Variants in ITGA8 observed in about 807,000 individuals in gnomAD.
ITGA8 encodes the protein integrin subunit alpha 8.
In ITGA8, 91 loss-of-function variants were observed where a neutral mutation model predicts 142.3. The ratio of observed to expected loss-of-function variants is 0.64; its 90% CI spans 0.54 to 0.76. The LOEUF is 0.76. Among genes scored for constraint, ITGA8 ranks in the 30% least tolerant of loss-of-function variants. The pLI is 0.00. For synonymous variants in ITGA8, 505 were observed against 485.2 expected (o/e 1.04, Z -0.54); for missense variants, 1,406 against 1,327.7 (o/e 1.06, Z -0.92).
At chr10:15,521,223 C>T (rs1833062881) in intron 28 of ITGA8, among the ~76,000 whole-genome samples, 1 of 152,084 alleles carries the variant, frequency 6.6e-6, no homozygotes, top group African/African-American at 2.4e-5. Context: ...CTGGTTTCAC[C>T]ATTCTGGCCA....
intron 2 of ITGA8, among the ~76,000 whole-genome samples, chr10:15,699,082 G>GT (rs1835110792): frequency 2.0e-5 from 3 of 152,138 alleles, no homozygotes; most frequent in African/African-American, 4.8e-5. Context: ...TCAGGAGTTC[G>GT]AAACGAGCAT....
At chr10:15,670,569 C>T (rs1205327234) in intron 8 of ITGA8, among the ~76,000 whole-genome samples, 2 of 152,138 alleles carry the variant, frequency 1.3e-5, no homozygotes, top group African/African-American at 2.4e-5. Context: ...CATAACAATA[C>T]ATAGACCTTG....
At chr10:15,575,939 ACG>A (rs1020955401) in intron 23 of ITGA8, among the ~76,000 whole-genome samples, 5 of 117,106 alleles carry the variant, frequency 4.3e-5, no homozygotes, top group South Asian at 3.0e-4. Context: ...ACATGTGAGA[ACG>A]TGTGTGTGTG....
intron 14 of ITGA8, 147 bp downstream of exon 14, chr10:15,616,367 T>G: frequency 1.5e-6 from 1 of 664,450 alleles, no homozygotes; most frequent in Admixed American, 2.6e-5. Flanking sequence ...AAAGAAAGAG[T>G]GAGAGCAAAA....
chr10:15,617,500 G>A (rs1833416148), intron 13 of ITGA8, among the ~76,000 whole-genome samples: 1 of 151,972 alleles, frequency 6.6e-6, no homozygotes, highest in Admixed American at 6.6e-5. Context: ...CAGGGTTCAA[G>A]TGATTCTCCT....
At position 15,660,864 on chromosome 10, in the gene ITGA8, A is replaced by C. The variant is rs372587930; in HGVS notation, c.891+15T>G. On this transcript the variant is annotated intron_variant, in intron 9 of 29. Coordinates refer to ENST00000378076, the MANE Select transcript of ITGA8 (RefSeq NM_003638.3). The stretch of plus-strand genomic sequence containing the variant: ...AGAAAATACCCTATTCCTGTAATGC[A>C]TTCTCAGTACTCACATATCCAAAAT... 11 of 1,607,900 alleles carry C rather than the reference A, an allele frequency of 6.8e-6. No individual in the cohort carries two copies. In the African/African-American group the frequency reaches 1.5e-4, roughly 21 times the overall value.
intron 27 of ITGA8, among the ~76,000 whole-genome samples, chr10:15,539,878 G>C (rs776698538): frequency 1.6e-4 from 25 of 152,090 alleles, no homozygotes; most frequent in African/African-American, 6.0e-4. Context: ...GGGTGGGGCC[G>C]GGTGGAGATA....
intron 27 of ITGA8, among the ~76,000 whole-genome samples, chr10:15,541,208 T>C (rs1447116974): frequency 1.3e-5 from 2 of 152,176 alleles, no homozygotes; most frequent in Non-Finnish European, 2.9e-5. Context: ...CATCCTCTCA[T>C]AAAGAATGAA....
intron 8 of ITGA8, among the ~76,000 whole-genome samples, chr10:15,670,158 G>A (rs761828324): frequency 6.6e-6 from 1 of 152,152 alleles, no homozygotes; most frequent in Non-Finnish European, 1.5e-5. Context: ...AATTATTTGT[G>A]AATTAAACCA....
chr10:15,548,096 T>A (rs535002667), intron 27 of ITGA8, among the ~76,000 whole-genome samples: 304 of 150,648 alleles, frequency 2.0e-3, no homozygotes, highest in Non-Finnish European at 3.1e-3. Context: ...ATTCAAGTTT[T>A]AATTTTTTTT....
chr10:15,680,557 A>G (rs917079251), intron 4 of ITGA8, among the ~76,000 whole-genome samples: 1 of 152,136 alleles, frequency 6.6e-6, no homozygotes, highest in East Asian at 1.9e-4. Context: ...CCAGAAGTAT[A>G]TATGAATGCA....
chr10:15,651,301 G>A (rs574685896), intron 11 of ITGA8, among the ~76,000 whole-genome samples: 2 of 152,126 alleles, frequency 1.3e-5, no homozygotes, highest in African/African-American at 4.8e-5. Flanking sequence ...TACATTGACG[G>A]AGTTTGTAGT....
At chr10:15,683,308 C>CCACCCAT (rs1564407403) in intron 4 of ITGA8, among the ~76,000 whole-genome samples, 12 of 5,640 alleles carry the variant, frequency 2.1e-3, no homozygotes, top group African/African-American at 4.3e-3. Flanking sequence ...CATCCACCCA[C>CCACCCAT]CCACCCACCC....
chr10:15,638,672 T>C (rs2131640795), intron 13 of ITGA8, among the ~76,000 whole-genome samples: 1 of 152,350 alleles, frequency 6.6e-6, no homozygotes, highest in East Asian at 1.9e-4. Context: ...GTAGTTTGAC[T>C]TGTTTCCATT....
In ITGA8 at chr10:15,607,731, A is replaced by G. The variant is rs1370732985; in HGVS notation, c.1710T>C (p.Leu570=). Residue 570 remains leucine, a synonymous_variant, in exon 17 of 30, where the codon CTT becomes CTC. Transcript: ENST00000378076. ...DNHQAHRVFP[L]VIKRQKSHQC... is the part of the protein sequence containing the mutation. ...GGTGGGATTTCTGCCTTTTTATCACAAGAGGGAAGACGCGATGAGCCTGAT... is the reference window on the plus strand; with the variant it reads ...GGTGGGATTTCTGCCTTTTTATCACGAGAGGGAAGACGCGATGAGCCTGAT... The G allele has an allele frequency of 6.2e-7, 1 of 1,613,944 alleles. No homozygotes were observed. The highest frequency in any genetic ancestry group is 8.5e-7 in the Non-Finnish European group (1 of 1,179,830).
chr10:15,696,923 C>A (rs896450290), intron 2 of ITGA8, among the ~76,000 whole-genome samples: 1 of 150,200 alleles, frequency 6.7e-6, no homozygotes. Flanking sequence ...GTGGGAGGAT[C>A]AGTTGAGCCT....
chr10:15,542,561 T>C (rs184830804), intron 27 of ITGA8, among the ~76,000 whole-genome samples: 2 of 152,330 alleles, frequency 1.3e-5, no homozygotes, highest in Admixed American at 1.3e-4. Flanking sequence ...ATAGTAGTTA[T>C]AGTATAGTTA....
Position 15,605,378 on chromosome 10 carries a change from T to C in ITGA8, c.1970+346A>G, listed in dbSNP as rs552775961. On this transcript the variant is annotated intron_variant, in intron 19 of 29. Transcript: ENST00000378076. ...TGCTGAAAAAAAGTTTGGTTGAAGG[T>C]GTAGATGGAACCTGCCTGTCTGAAT... Among the ~76,000 whole-genome samples, 262 of 152,288 alleles carry C rather than the reference T, an allele frequency of 1.7e-3. 2 individuals carry two copies. The highest frequency in any genetic ancestry group is 3.4e-3 in the Non-Finnish European group (228 of 68,016).
chr10:15,564,092 G>A (rs1204478826), intron 25 of ITGA8, among the ~76,000 whole-genome samples: 1 of 152,188 alleles, frequency 6.6e-6, no homozygotes, highest in African/African-American at 2.4e-5. Context: ...TTGAGCTACA[G>A]AATGACAGTG....
Sources: allele counts gnomAD v4.1 joint callset (sites outside exome capture counted in the v4.1 genomes callset), GRCh38; gene constraint gnomAD v4.1.1; transcripts MANE v1.5; gene names NCBI Gene and HGNC (gene_info 2026-07-23, HGNC 2026-07-21).